CCSER1: variants seen among roughly 807,000 people sequenced by gnomAD.
CCSER1 encodes serine-rich coiled-coil domain-containing protein 1.
In CCSER1, 41 loss-of-function variants were observed where a neutral mutation model predicts 82.0. That is an observed-to-expected ratio of 0.50 (90% CI 0.39 to 0.65). CCSER1 has a LOEUF of 0.65. CCSER1 is among the 30% of genes least tolerant of loss of function. The pLI, the probability that CCSER1 is intolerant of heterozygous loss-of-function variation, is 0.00. For missense variants in CCSER1, 1,119 were observed against 1,064.2 expected (o/e 1.05, Z -0.72); for synonymous variants, 414 against 383.9 (o/e 1.08, Z -0.92).
chr4:90,543,939 T>C (rs1330522996), intron 5 of CCSER1, among the ~76,000 whole-genome samples: 1 of 152,130 alleles, frequency 6.6e-6, no homozygotes, highest in Non-Finnish European at 1.5e-5. Flanking sequence ...TCTCAGCTAA[T>C]GAGTGAGCCT....
intron 6 of CCSER1, among the ~76,000 whole-genome samples, chr4:90,666,954 C>G (rs1731903552): frequency 1.3e-5 from 2 of 152,116 alleles, no homozygotes; most frequent in African/African-American, 4.8e-5. Context: ...AAAATAATAA[C>G]TCTAATAATC....
At chr4:91,472,018 T>TAAC (rs1757309341) in intron 10 of CCSER1, among the ~76,000 whole-genome samples, 1 of 151,912 alleles carries the variant, frequency 6.6e-6, no homozygotes, top group African/African-American at 2.4e-5. Context: ...AGATTTTATT[T>TAAC]AACTAAGTTA....
chr4:90,789,699 C>T (rs555751539), intron 7 of CCSER1, among the ~76,000 whole-genome samples: 1 of 152,312 alleles, frequency 6.6e-6, no homozygotes, highest in East Asian at 1.9e-4. Context: ...CCTGCACTAG[C>T]TCTTTCTTCT....
intron 1 of CCSER1, among the ~76,000 whole-genome samples, chr4:90,220,438 G>T (rs1202260572): frequency 6.6e-6 from 1 of 151,444 alleles, no homozygotes; most frequent in African/African-American, 2.4e-5. Flanking sequence ...CCCTGCACAT[G>T]AATATATATT....
At chr4:91,397,045 T>G (rs1752028141) in intron 10 of CCSER1, among the ~76,000 whole-genome samples, 1 of 152,110 alleles carries the variant, frequency 6.6e-6, no homozygotes, top group Non-Finnish European at 1.5e-5. Context: ...CTTTGATATC[T>G]GGCTCTGTAT....
At chr4:90,951,512 A>G in intron 9 of CCSER1, among the ~76,000 whole-genome samples, 1 of 152,086 alleles carries the variant, frequency 6.6e-6, no homozygotes, top group East Asian at 1.9e-4. Flanking sequence ...AAGGGGAGAT[A>G]TTCTTCTTTA....
rs535655220 is a variant in CCSER1 at position 90,233,269 on chromosome 4, T to C, written c.-41-74975T>C. Reference sequence around the variant, plus strand: ...CTGGATTAAGAAAATGTGGCACATATACACCATGGAATACTATGCAGCCAT... The same window carrying C: ...CTGGATTAAGAAAATGTGGCACATACACACCATGGAATACTATGCAGCCAT... On this transcript the variant is annotated intron_variant, in intron 1 of 10. Coordinates refer to ENST00000509176, the MANE Select transcript of CCSER1 (RefSeq NM_001145065.2). 2.2e-3 allele frequency among the ~76,000 whole-genome samples: 342 copies of C among 152,172 alleles called. 2 individuals are homozygous for C. The highest frequency in any genetic ancestry group is 8.0e-3 in the African/African-American group (331 of 41,506).
intron 4 of CCSER1, among the ~76,000 whole-genome samples, chr4:90,417,295 TGCCATAGCA>T: frequency 6.6e-6 from 1 of 152,082 alleles, no homozygotes. Flanking sequence ...ATGTCCAAAT[TGCCATAGCA>T]TATTTAAAAT....
intron 10 of CCSER1, among the ~76,000 whole-genome samples, chr4:91,388,748 C>T (rs1036143076): frequency 2.0e-5 from 3 of 152,002 alleles, no homozygotes; most frequent in African/African-American, 7.2e-5. Flanking sequence ...ATTACTGTAG[C>T]TTTATAATAG....
intron 5 of CCSER1, among the ~76,000 whole-genome samples, chr4:90,626,129 C>G (rs1336955467): frequency 6.6e-6 from 1 of 152,144 alleles, no homozygotes; most frequent in South Asian, 2.1e-4. Context: ...CAATTCATAA[C>G]AATTCACAAT....
chr4:91,126,078 A>G (rs547833958), intron 10 of CCSER1, among the ~76,000 whole-genome samples: 34 of 151,776 alleles, frequency 2.2e-4, no homozygotes, highest in African/African-American at 7.7e-4. Context: ...TTAGTATGAG[A>G]CTTATGTATA....
chr4:91,544,512 G>A (rs918797650), intron 10 of CCSER1, among the ~76,000 whole-genome samples: 3 of 152,130 alleles, frequency 2.0e-5, no homozygotes, highest in Admixed American at 2.0e-4. Flanking sequence ...CTTTCTGTTT[G>A]TTAGTTTTCC....
chr4:90,819,525 C>CT (rs141879657), intron 8 of CCSER1, among the ~76,000 whole-genome samples: 6,702 of 152,042 alleles, frequency 0.044, 350 homozygotes, highest in East Asian at 0.23. Context: ...TGCCTTAATT[C>CT]TTTTTTATTG....
chr4:90,868,895 A>G (rs971736679), intron 8 of CCSER1, among the ~76,000 whole-genome samples: 1 of 152,058 alleles, frequency 6.6e-6, no homozygotes, highest in Admixed American at 6.6e-5. Flanking sequence ...AATGAAAGCC[A>G]TTTTAAATAG....
intron 6 of CCSER1, among the ~76,000 whole-genome samples, chr4:90,635,572 A>G (rs946362234): frequency 6.6e-6 from 1 of 151,832 alleles, no homozygotes; most frequent in African/African-American, 2.4e-5. Flanking sequence ...CTATAATTAC[A>G]GGGAAATTTG....
At chr4:90,786,071 T>C (rs991051582) in intron 7 of CCSER1, among the ~76,000 whole-genome samples, 3 of 152,192 alleles carry the variant, frequency 2.0e-5, no homozygotes, top group African/African-American at 7.2e-5. Flanking sequence ...ACAGTCTGAA[T>C]GGGGCTGAGG....
chr4:90,304,541 C>T, intron 1 of CCSER1, among the ~76,000 whole-genome samples: 1 of 152,044 alleles, frequency 6.6e-6, no homozygotes. Context: ...AGTAAACTAT[C>T]ACAAGAACAA....
intron 3 of CCSER1, among the ~76,000 whole-genome samples, chr4:90,378,706 G>T (rs940092920): frequency 6.6e-6 from 1 of 152,064 alleles, no homozygotes; most frequent in Non-Finnish European, 1.5e-5. Flanking sequence ...TCAAGAAATC[G>T]TTTAGTGTTA....
intron 10 of CCSER1, among the ~76,000 whole-genome samples, chr4:91,266,260 T>C (rs913116215): frequency 6.5e-4 from 90 of 139,064 alleles, no homozygotes; most frequent in African/African-American, 2.2e-3. Flanking sequence ...GTTTGTTTTG[T>C]TTTTTTTTTG....
Sources: allele counts gnomAD v4.1 joint callset (sites outside exome capture counted in the v4.1 genomes callset), GRCh38; gene constraint gnomAD v4.1.1; transcripts MANE v1.5; gene names NCBI Gene and HGNC (gene_info 2026-07-23, HGNC 2026-07-21).